RANBP2: variants seen among roughly 807,000 people sequenced by gnomAD.
The protein encoded by RANBP2 is RAN binding protein 2, also known as E3 SUMO-protein ligase RanBP2.
In RANBP2, 57 loss-of-function variants were observed where a neutral mutation model predicts 303.6. The observed-to-expected ratio is 0.19, with a 90% CI of 0.15 to 0.23. The LOEUF is 0.23. Among genes scored for constraint, RANBP2 ranks in the 10% least tolerant of loss-of-function variants. The pLI, the probability that RANBP2 is intolerant of heterozygous loss-of-function variation, is 1.00. For missense variants in RANBP2, 3,138 were observed against 3,780.8 expected, an observed-to-expected ratio of 0.83 and a Z score of 4.46; for synonymous variants, 1,167 against 1,301.5, an observed-to-expected ratio of 0.90 and a Z score of 2.23.
the RANBP2 span, among the ~76,000 whole-genome samples, chr2:108,861,877 G>A: frequency 6.1e-3 from 926 of 152,042 alleles, 9 homozygotes; most frequent in Non-Finnish European, 6.7e-3. Flanking sequence ...TATCCTACAG[G>A]TTTTGGTATG....
the RANBP2 span, among the ~76,000 whole-genome samples, chr2:108,818,708 C>T: frequency 6.6e-6 from 1 of 151,814 alleles, no homozygotes; most frequent in Admixed American, 6.6e-5. Context: ...TTTTTGTTAT[C>T]GGACTCTGTT....
the RANBP2 span, chr2:108,930,057 A>T: frequency 6.4e-7 from 1 of 1,559,992 alleles, no homozygotes; most frequent in Non-Finnish European, 8.7e-7. Context: ...TCAGGGCAAC[A>T]ATGCCACAAG....
At chr2:108,954,175 A>G in the RANBP2 span, among the ~76,000 whole-genome samples, 1 of 152,182 alleles carries the variant, frequency 6.6e-6, no homozygotes, top group East Asian at 1.9e-4. Context: ...GGCAACCTAG[A>G]TAGCATAGAT....
chr2:109,593,409 C>CTTTTTTTTT, the RANBP2 span, among the ~76,000 whole-genome samples: 760 of 133,702 alleles, frequency 5.7e-3, 26 homozygotes, highest in African/African-American at 0.017. Context: ...AGAGAAAGAA[C>CTTTTTTTTT]TTTTTTTTTT....
the RANBP2 span, among the ~76,000 whole-genome samples, chr2:109,148,902 GT>G: frequency 1.2e-4 from 19 of 152,128 alleles, no homozygotes; most frequent in East Asian, 2.7e-3. Flanking sequence ...CTGATTGGTG[GT>G]TTTACCCAAA....
chr2:108,775,637 G>A, intron 23 of RANBP2, 95 bp from the exon 24 acceptor site: 1 of 1,320,056 alleles, frequency 7.6e-7, no homozygotes, highest in South Asian at 1.2e-5. Context: ...TTCTCCAGAA[G>A]CCCAAGTTCT....
the RANBP2 span, among the ~76,000 whole-genome samples, chr2:109,655,153 A>G: frequency 6.6e-6 from 1 of 152,120 alleles, no homozygotes; most frequent in Non-Finnish European, 1.5e-5. Context: ...CACCCGCCTC[A>G]GCCTCCCAAA....
At chr2:109,204,129 A>G in the RANBP2 span, among the ~76,000 whole-genome samples, 3 of 152,220 alleles carry the variant, frequency 2.0e-5, no homozygotes, top group East Asian at 5.8e-4. Flanking sequence ...GGTAAGGAGA[A>G]TCCAGTGAAG....
chr2:108,734,545 T>C (rs868816551), intron 4 of RANBP2, among the ~76,000 whole-genome samples: 57 of 152,052 alleles, frequency 3.7e-4, no homozygotes, highest in Middle Eastern at 3.4e-3. Flanking sequence ...ACAGTAATTA[T>C]GGATATAAGG....
the RANBP2 span, among the ~76,000 whole-genome samples, chr2:109,193,961 A>G: frequency 1.6e-4 from 24 of 152,326 alleles, no homozygotes; most frequent in Admixed American, 1.4e-3. Flanking sequence ...TCCAGCTGCC[A>G]TGCTCCTTCT....
the RANBP2 span, among the ~76,000 whole-genome samples, chr2:109,603,605 G>A: frequency 8.5e-5 from 13 of 152,228 alleles, no homozygotes; most frequent in Admixed American, 5.9e-4. Flanking sequence ...ATTGTGGATC[G>A]AAGCTGTATA....
At chr2:109,052,876 T>C in the RANBP2 span, among the ~76,000 whole-genome samples, 1 of 152,154 alleles carries the variant, frequency 6.6e-6, no homozygotes, top group Non-Finnish European at 1.5e-5. Flanking sequence ...GTCAAAGCTA[T>C]TACTAGAGGA....
the RANBP2 span, among the ~76,000 whole-genome samples, chr2:109,730,764 G>GTCTC: frequency 1.4e-5 from 2 of 147,336 alleles, no homozygotes; most frequent in Non-Finnish European, 3.0e-5. Flanking sequence ...TCTCTCTGGG[G>GTCTC]TCTCTCTCTC....
At chr2:108,889,027 T>A in the RANBP2 span, among the ~76,000 whole-genome samples, 1 of 152,242 alleles carries the variant, frequency 6.6e-6, no homozygotes, top group Middle Eastern at 3.4e-3. Flanking sequence ...TCAGTTTTTT[T>A]AAATTTTCAT....
the RANBP2 span, among the ~76,000 whole-genome samples, chr2:108,908,439 A>T: frequency 6.6e-6 from 1 of 152,152 alleles, no homozygotes; most frequent in Non-Finnish European, 1.5e-5. Flanking sequence ...AGATTGATGC[A>T]GCTGGCGCTG....
At chr2:108,870,627 T>A in the RANBP2 span, among the ~76,000 whole-genome samples, 1 of 152,176 alleles carries the variant, frequency 6.6e-6, no homozygotes, top group Non-Finnish European at 1.5e-5. Context: ...GGTATGTACA[T>A]ACGGTAGACT....
chr2:109,017,809 T>G, the RANBP2 span, among the ~76,000 whole-genome samples: 1 of 152,174 alleles, frequency 6.6e-6, no homozygotes, highest in South Asian at 2.1e-4. Flanking sequence ...TAATCAGTTC[T>G]TAGGAGCAGA....
At chr2:108,832,346 T>C in the RANBP2 span, among the ~76,000 whole-genome samples, 1 of 104,420 alleles carries the variant, frequency 9.6e-6, no homozygotes, top group African/African-American at 6.6e-5. Flanking sequence ...ATTTCTTTCT[T>C]TTTTTTTTTT....
At chr2:108,736,322 A>C (rs1695582689) in intron 6 of RANBP2, 73 bp downstream of exon 6, 1 of 1,610,096 alleles carries the variant, frequency 6.2e-7, no homozygotes, top group Admixed American at 1.7e-5. Flanking sequence ...CATTGCTCTA[A>C]ACTTCTTCAC....
Sources: allele counts gnomAD v4.1 joint callset (sites outside exome capture counted in the v4.1 genomes callset), GRCh38; gene constraint gnomAD v4.1.1; transcripts MANE v1.5; gene names NCBI Gene and HGNC (gene_info 2026-07-23, HGNC 2026-07-21).